Variants in SEMA6D observed in about 807,000 individuals in gnomAD.
SEMA6D encodes the protein semaphorin-6D.
A neutral mutation model predicts 106.6 loss-of-function variants in SEMA6D; 35 were observed. The ratio of observed to expected loss-of-function variants is 0.33; its 90% CI spans 0.25 to 0.44. The LOEUF is 0.44. Ranked by LOEUF, SEMA6D falls within the 20% of genes least tolerant of loss-of-function variation. SEMA6D has a pLI of 1.00. For missense variants in SEMA6D, 1,185 were observed against 1,345.9 expected, an observed-to-expected ratio of 0.88 and a Z score of 1.87; for synonymous variants, 499 against 487.7, an observed-to-expected ratio of 1.02 and a Z score of -0.31.
At chr15:47,525,436 C>T (rs1277061007) in intron 3 of SEMA6D, 2 of 152,168 alleles carry the variant, frequency 1.3e-5, no homozygotes, top group African/African-American at 4.8e-5. Flanking sequence ...TTCAGGGCTT[C>T]CTCTTGGACT....
intron 4 of SEMA6D, among the ~76,000 whole-genome samples, chr15:47,631,513 A>AAC (rs2077292594): frequency 6.6e-6 from 1 of 151,960 alleles, no homozygotes; most frequent in African/African-American, 2.4e-5. Flanking sequence ...TAAGTTAAAT[A>AAC]TCTTGAAATA....
intron 2 of SEMA6D, among the ~76,000 whole-genome samples, chr15:47,457,890 A>G (rs1000606166): frequency 6.6e-6 from 1 of 151,940 alleles, no homozygotes; most frequent in African/African-American, 2.4e-5. Context: ...GAAAACCTTA[A>G]AAGTAGCCAA....
rs1274294036 is a variant in SEMA6D at position 47,687,453 on chromosome 15, AAAAG to A, written c.-54-72286_-54-72283del. ...GCAACGTTTAGGCTGGAATCTAAAA[AAAAG>A]AAAGAGAGAAGATTTGGAATTAGCT... On this transcript the variant is annotated intron_variant, in intron 4 of 19. Coordinates refer to the SEMA6D transcript ENST00000558014. 5.3e-5 allele frequency among the ~76,000 whole-genome samples: 8 copies of A among 152,318 alleles called. No homozygotes were observed. The East Asian group carries it at 5.8e-4, about 11-fold the overall frequency.
rs572264496 is a variant in SEMA6D at position 47,763,784 on chromosome 15, T to C, written c.748-66T>C. 5.0e-4 allele frequency: 678 copies of C among 1,366,152 alleles called. 16 individuals are homozygous for C. In the South Asian group the frequency reaches 7.6e-3, roughly 15 times the overall value. 84.6% of individuals were successfully genotyped at this position (1,366,152 alleles called of 1,614,324 possible). On this transcript the variant is annotated intron_variant, in intron 9 of 18. Transcript: ENST00000536845. ...TATTTTTTGTCCCTCCCTTAAACAGTATCATTTTGTTTCCATTCCTTTCCA... is the reference window on the plus strand; with the variant it reads ...TATTTTTTGTCCCTCCCTTAAACAGCATCATTTTGTTTCCATTCCTTTCCA...
At chr15:47,608,439 A>G (rs1457591839) in intron 4 of SEMA6D, among the ~76,000 whole-genome samples, 1 of 152,154 alleles carries the variant, frequency 6.6e-6, no homozygotes, top group Non-Finnish European at 1.5e-5. Context: ...GGTGAGGAGA[A>G]AACAGTTGTA....
intron 4 of SEMA6D, among the ~76,000 whole-genome samples, chr15:47,634,126 A>G (rs2077339559): frequency 6.6e-6 from 1 of 152,140 alleles, no homozygotes; most frequent in East Asian, 1.9e-4. Flanking sequence ...TGAGTGTGGT[A>G]TCTTTTGAGT....
rs547000577 is a variant in SEMA6D at position 47,433,757 on chromosome 15, G to A, written c.-159+21285G>A. On this transcript the variant is annotated intron_variant, in intron 2 of 19. Coordinates refer to the SEMA6D transcript ENST00000558014. ...TATAGAAAAACACCACCAAAACTTTGGAATTCCTGGATAACTCTTAGTCTC... is the reference window on the plus strand; with the variant it reads ...TATAGAAAAACACCACCAAAACTTTAGAATTCCTGGATAACTCTTAGTCTC... Among the ~76,000 whole-genome samples, 3 of 152,132 alleles carry A rather than the reference G, an allele frequency of 2.0e-5. No homozygotes were observed. In the East Asian group the frequency reaches 5.8e-4, roughly 29 times the overall value.
intron 1 of SEMA6D, among the ~76,000 whole-genome samples, chr15:47,392,735 A>G (rs1025142): frequency 6.6e-6 from 1 of 151,926 alleles, no homozygotes; most frequent in Non-Finnish European, 1.5e-5. Flanking sequence ...CTTTGTGATA[A>G]TTTTTTATGG....
intron 1 of SEMA6D, chr15:47,395,547 T>C (rs1307711946): frequency 6.6e-6 from 1 of 152,180 alleles, no homozygotes; most frequent in Non-Finnish European, 1.5e-5. Context: ...AAGAAAACAT[T>C]TGGGTGTCAT....
chr15:47,766,166 G>A lies in SEMA6D; in HGVS notation c.1630G>A (p.Val544Met), dbSNP rs761488550. The A allele has an allele frequency of 6.2e-7, 1 of 1,613,242 alleles. No individual in the cohort carries two copies. The highest frequency in any genetic ancestry group is 8.5e-7 in the Non-Finnish European group (1 of 1,179,426). ...GWLSQGSCGR[V>M]TPGMLAEGYE... ...GTTAAGCCAGGGATCCTGTGGTAGA[G>A]TGACCCCAGGGATGCTGTAAGTATA... Residue 544 changes from valine to methionine, a missense_variant, in exon 15 of 19, where the codon GTG becomes ATG. Val to Met is a conservative substitution (Grantham distance 21). This residue lies in a region of SEMA6D where 750 missense variants were observed against 783.5 expected (regional missense o/e 0.96). Coordinates refer to ENST00000536845, the MANE Select transcript of SEMA6D (RefSeq NM_001358351.3).
At chr15:47,589,779 C>T (rs184656056) in intron 3 of SEMA6D, among the ~76,000 whole-genome samples, 42 of 152,298 alleles carry the variant, frequency 2.8e-4, no homozygotes, top group Admixed American at 1.2e-3. Flanking sequence ...CTTACAAGAG[C>T]AGCATCAGTA....
intron 1 of SEMA6D, among the ~76,000 whole-genome samples, chr15:47,365,957 A>G (rs1207068232): frequency 6.6e-6 from 1 of 151,964 alleles, no homozygotes; most frequent in Non-Finnish European, 1.5e-5. Flanking sequence ...AAAGATAGAA[A>G]AGAAAGAAAG....
intron 1 of SEMA6D, among the ~76,000 whole-genome samples, chr15:47,229,840 A>T (rs1444928291): frequency 6.6e-6 from 1 of 152,050 alleles, no homozygotes; most frequent in African/African-American, 2.4e-5. Context: ...GACTGATAAC[A>T]TATTATATTT....
At chr15:47,724,992 A>G (rs1326013441) in intron 1 of SEMA6D, among the ~76,000 whole-genome samples, 1 of 152,246 alleles carries the variant, frequency 6.6e-6, no homozygotes, top group Admixed American at 6.5e-5. Context: ...AGCAGAACCA[A>G]ACTGAAAGTC....
At chr15:47,249,481 C>G (rs527312192) in intron 1 of SEMA6D, among the ~76,000 whole-genome samples, 4 of 151,758 alleles carry the variant, frequency 2.6e-5, no homozygotes, top group South Asian at 4.2e-4. Context: ...CAACCACCCC[C>G]CTACTCTCTA....
rs954620956 is a variant in SEMA6D, at chr15:47,749,543, T to C, written c.-54-10202T>C. Among the ~76,000 whole-genome samples the C allele has an allele frequency of 1.3e-5, 2 of 152,222 alleles. 1 individual carries two copies. Among genetic ancestry groups the C allele is most frequent in the Admixed American group, 1.3e-4 (2 of 15,278 alleles). ...GTAACATGCCCAAAGTCACATGGCT[T>C]GTAAATGGTAGTGCTTACATTGGAA... On this transcript the variant is annotated intron_variant, in intron 1 of 18. Coordinates refer to ENST00000536845, the MANE Select transcript of SEMA6D (RefSeq NM_001358351.3).
chr15:47,643,332 A>G (rs1292572559), intron 4 of SEMA6D, among the ~76,000 whole-genome samples: 1 of 152,198 alleles, frequency 6.6e-6, no homozygotes, highest in Non-Finnish European at 1.5e-5. Context: ...AAGAAAATAT[A>G]TCTTGTTGCA....
At chr15:47,349,719 G>A (rs1338668272) in intron 1 of SEMA6D, among the ~76,000 whole-genome samples, 1 of 129,904 alleles carries the variant, frequency 7.7e-6, no homozygotes, top group Non-Finnish European at 1.8e-5. Context: ...TAGAGATAAA[G>A]CCTAATAGAA....
chr15:47,287,227 G>A (rs925716524), intron 1 of SEMA6D, among the ~76,000 whole-genome samples: 31 of 152,260 alleles, frequency 2.0e-4, no homozygotes, highest in African/African-American at 6.5e-4. Flanking sequence ...TCCTGTGTAC[G>A]GAAGAGCTCC....
Sources: gnomAD v4.1 joint callset for allele counts (sites outside exome capture counted in the v4.1 genomes callset) on GRCh38, gnomAD v4.1.1 for gene constraint, gnomAD v4.1.1 regional missense constraint, MANE v1.5 for transcripts, NCBI Gene and HGNC (gene_info 2026-07-23, HGNC 2026-07-21) for gene names.